The following CLSTN1 variants were observed in gnomAD, a reference collection of about 807,000 sequenced individuals.
CLSTN1 encodes the protein calsyntenin 1, also known as calsyntenin-1.
In CLSTN1, 28 loss-of-function variants were observed where a neutral mutation model predicts 108.3. That is an observed-to-expected ratio of 0.26 (90% CI 0.19 to 0.35). The LOEUF (loss-of-function observed/expected upper bound fraction) is 0.35, where lower values mean the gene tolerates loss of function less well. CLSTN1 is among the 10% of genes least tolerant of loss of function. CLSTN1 has a pLI of 1.00. For missense variants in CLSTN1, 1,157 were observed against 1,302.6 expected (o/e 0.89, Z 1.72); for synonymous variants, 524 against 534.9 (o/e 0.98, Z 0.28).
chr1:9,741,219 A>G lies in CLSTN1; in HGVS notation c.1394T>C (p.Val465Ala). 1 of 1,613,912 alleles carries G rather than the reference A, an allele frequency of 6.2e-7. No homozygotes were observed. The highest frequency in any genetic ancestry group is 1.1e-5 in the South Asian group (1 of 91,074). ...ATAGAGAGTCACACTCGGGAATTCT[A>G]CATTGAGGACGTAGTGGTGCCATTC... Reference protein sequence around the residue: ...DEEWHHYVLNVEFPSVTLYVD... With the variant: ...DEEWHHYVLNAEFPSVTLYVD... Residue 465 changes from valine (V) to alanine (A), a missense_variant, in exon 10 of 19, where the codon GTA (valine) becomes GCA (alanine). Transcript: ENST00000377298.
At position 9,749,489 on chromosome 1, in the gene CLSTN1, G is replaced by A. The variant is rs764772022; in HGVS notation, c.957C>T (p.Tyr319=). The change falls in exon 7 of 19, where the codon TAC becomes TAT. Residue 319 remains tyrosine, a synonymous_variant. Transcript: ENST00000377298. ...AGAGCCGGTGGAGGGACTTCTCTGA[G>A]TAGGTGTCTCGGTCGCAGCCTTTCC... ...HIGKGCDRDT[Y]SEKSLHRLCG... 1 of 1,613,666 alleles carries A rather than the reference G, an allele frequency of 6.2e-7. No homozygotes were observed. The highest frequency in any genetic ancestry group is 8.5e-7 in the Non-Finnish European group (1 of 1,179,904).
At chr1:9,759,246 A>C (rs1042228290) in intron 2 of CLSTN1, among the ~76,000 whole-genome samples, 1 of 152,370 alleles carries the variant, frequency 6.6e-6, no homozygotes, top group East Asian at 1.9e-4. Flanking sequence ...TGAGAAAATT[A>C]CATGAATTTC....
chr1:9,807,324 C>T (rs1214004601), intron 1 of CLSTN1, among the ~76,000 whole-genome samples: 2 of 152,066 alleles, frequency 1.3e-5, no homozygotes, highest in East Asian at 3.8e-4. Flanking sequence ...ACATCCTTAC[C>T]ATTAGAAGTC....
At chr1:9,741,702 A>G (rs949491940) in intron 9 of CLSTN1, among the ~76,000 whole-genome samples, 1 of 152,210 alleles carries the variant, frequency 6.6e-6, no homozygotes, top group African/African-American at 2.4e-5. Context: ...ACTTGAGGTC[A>G]AGAGTTTGAG....
intron 7 of CLSTN1, among the ~76,000 whole-genome samples, chr1:9,746,283 A>G (rs1651264340): frequency 1.3e-5 from 2 of 152,234 alleles, no homozygotes; most frequent in South Asian, 4.1e-4. Context: ...ATGTATTGCC[A>G]TGTTCAAATT....
Position 9,735,080 on chromosome 1 carries a change from C to G in CLSTN1, c.1978G>C (p.Val660Leu). Residue 660 changes from valine to leucine, a missense_variant, in exon 14 of 19, where the codon GTC (valine) becomes CTC (leucine). Physicochemically the swap from Val to Leu is conservative, Grantham distance 32 (BLOSUM62 1). Transcript: ENST00000377298. ...PEEPKISLSG[V>L]HHFARAASEF... is the part of the protein sequence containing the mutation. ...GAAGCTGCTCGGGCAAAATGGTGGA[C>G]GCCACTCAGGCTGATCTTGGGCTCC... is the stretch of plus-strand genomic sequence containing the variant. 1 of 1,614,204 alleles carries G rather than the reference C, an allele frequency of 6.2e-7. No individual in the cohort carries two copies. Among genetic ancestry groups the G allele is most frequent in the Non-Finnish European group, 8.5e-7 (1 of 1,180,034 alleles).
intron 2 of CLSTN1, among the ~76,000 whole-genome samples, chr1:9,772,257 C>T (rs1652727679): frequency 6.6e-6 from 1 of 150,564 alleles, no homozygotes; most frequent in South Asian, 2.1e-4. Flanking sequence ...AGTGCTGGCA[C>T]AGGCATGAGC....
At chr1:9,784,630 C>A (rs957664974) in intron 1 of CLSTN1, among the ~76,000 whole-genome samples, 6 of 152,226 alleles carry the variant, frequency 3.9e-5, no homozygotes, top group African/African-American at 1.4e-4. Context: ...GTTGGCGTCT[C>A]ACCTATAAAT....
chr1:9,818,171 C>T (rs1388280793), intron 1 of CLSTN1, among the ~76,000 whole-genome samples: 1 of 151,758 alleles, frequency 6.6e-6, no homozygotes, highest in Non-Finnish European at 1.5e-5. Flanking sequence ...CCATGCCCAG[C>T]TAATTGTTTT....
At chr1:9,742,321 C>T (rs932323943) in intron 9 of CLSTN1, among the ~76,000 whole-genome samples, 4 of 151,964 alleles carry the variant, frequency 2.6e-5, no homozygotes, top group East Asian at 1.9e-4. Context: ...TTTGGGATTT[C>T]TTGAAAATTA....
intron 7 of CLSTN1, among the ~76,000 whole-genome samples, chr1:9,746,607 G>C (rs987362518): frequency 2.6e-5 from 4 of 152,246 alleles, no homozygotes; most frequent in Admixed American, 6.5e-5. Context: ...TCAGCTACTT[G>C]GGAGGCTGAG....
intron 1 of CLSTN1, among the ~76,000 whole-genome samples, chr1:9,790,768 C>T (rs915432602): frequency 5.3e-5 from 8 of 151,230 alleles, no homozygotes; most frequent in Admixed American, 2.7e-4. Context: ...CAAGAGACAG[C>T]GACAATCACA....
At chr1:9,780,205 C>T (rs538060795) in intron 1 of CLSTN1, among the ~76,000 whole-genome samples, 8 of 149,058 alleles carry the variant, frequency 5.4e-5, no homozygotes, top group Non-Finnish European at 1.2e-4. Flanking sequence ...TGCCACTAAT[C>T]AAATTAATAT....
At chr1:9,781,186 G>C in intron 1 of CLSTN1, 1 of 795,190 alleles carries the variant, frequency 1.3e-6, no homozygotes, top group East Asian at 2.4e-5. Flanking sequence ...CAGTTATTAA[G>C]GAGCTTCGCA....
At chr1:9,731,691 C>A in intron 17 of CLSTN1, 70 bp downstream of exon 17, 2 of 1,499,720 alleles carry the variant, frequency 1.3e-6, no homozygotes, top group Non-Finnish European at 9.3e-7. Flanking sequence ...GGAGGCTGTG[C>A]CCACGGTGGG....
intron 11 of CLSTN1, 125 bp from the exon 12 acceptor site, chr1:9,736,167 C>CCAAG: frequency 2.7e-6 from 3 of 1,128,602 alleles, no homozygotes; most frequent in Non-Finnish European, 2.6e-6. Context: ...TTAGTTCATA[C>CCAAG]CAAGTCCTGT....
intron 7 of CLSTN1, among the ~76,000 whole-genome samples, chr1:9,746,733 C>A (rs1651286137): frequency 6.7e-6 from 1 of 150,302 alleles, no homozygotes; most frequent in African/African-American, 2.4e-5. Flanking sequence ...AAAAACCACA[C>A]ACACACACTA....
At chr1:9,772,345 T>C (rs957034242) in intron 2 of CLSTN1, among the ~76,000 whole-genome samples, 1 of 151,740 alleles carries the variant, frequency 6.6e-6, no homozygotes, top group African/African-American at 2.4e-5. Context: ...TCTTGCTCTG[T>C]TGCCCAGGCT....
At chr1:9,749,700 G>A in intron 6 of CLSTN1, 54 bp from the exon 7 acceptor site, 1 of 1,611,078 alleles carries the variant, frequency 6.2e-7, no homozygotes, top group Non-Finnish European at 8.5e-7. Context: ...ACACACTCTA[G>A]GTTGCTGCCG....
Sources: gnomAD v4.1 joint callset for allele counts (sites outside exome capture counted in the v4.1 genomes callset) on GRCh38, gnomAD v4.1.1 for gene constraint, MANE v1.5 for transcripts, NCBI Gene and HGNC (gene_info 2026-07-23, HGNC 2026-07-21) for gene names.